BCAS4: variants seen among roughly 807,000 people sequenced by gnomAD.
BCAS4 encodes the protein breast carcinoma-amplified sequence 4.
A neutral mutation model predicts 15.7 loss-of-function variants in BCAS4; 9 were observed. That is an observed-to-expected ratio of 0.57 (90% CI 0.34 to 1.00). The LOEUF (loss-of-function observed/expected upper bound fraction) is 1.00, where lower values mean the gene tolerates loss of function less well. Ranked by LOEUF, BCAS4 falls within the 50% of genes least tolerant of loss-of-function variation. The pLI, the probability that BCAS4 is intolerant of heterozygous loss-of-function variation, is 0.02. For synonymous variants in BCAS4, 101 were observed against 99.5 expected (o/e 1.02, Z -0.09); for missense variants, 225 against 239.1 (o/e 0.94, Z 0.39).
intron 4 of BCAS4, among the ~76,000 whole-genome samples, chr20:50,868,151 A>G (rs1028835627): frequency 1.3e-5 from 2 of 152,146 alleles, no homozygotes; most frequent in African/African-American, 2.4e-5. Flanking sequence ...ACATCATAGC[A>G]AGGATACTCA....
chr20:50,863,967 C>T (rs1239925299), intron 4 of BCAS4, among the ~76,000 whole-genome samples: 2 of 152,228 alleles, frequency 1.3e-5, no homozygotes, highest in South Asian at 2.1e-4. Flanking sequence ...ATTCTACCAC[C>T]GTTGCCACCC....
At chr20:50,861,220 TG>T (rs1428275340) in intron 4 of BCAS4, among the ~76,000 whole-genome samples, 1 of 152,174 alleles carries the variant, frequency 6.6e-6, no homozygotes, top group African/African-American at 2.4e-5. Context: ...GATGCTGTCC[TG>T]GGCCAAGAGT....
intron 2 of BCAS4, among the ~76,000 whole-genome samples, chr20:50,822,241 C>A (rs764018068): frequency 1.3e-5 from 2 of 152,168 alleles, no homozygotes; most frequent in Non-Finnish European, 2.9e-5. Context: ...AGCAAGCAGT[C>A]CAGTGGGCAG....
chr20:50,837,702 C>A (rs1242017876), intron 3 of BCAS4, among the ~76,000 whole-genome samples: 1 of 152,194 alleles, frequency 6.6e-6, no homozygotes, highest in Non-Finnish European at 1.5e-5. Context: ...AGGTTTCAGC[C>A]TCTCTGGCTG....
At position 50,805,259 on chromosome 20, in the gene BCAS4, C is replaced by T. The variant is rs186638253; in HGVS notation, c.90+10086C>T. Among the ~76,000 whole-genome samples the T allele has an allele frequency of 1.2e-3, 188 of 152,274 alleles. 2 individuals are homozygous for T. The highest frequency in any genetic ancestry group is 3.4e-3 in the Middle Eastern group (1 of 294). On this transcript the variant is annotated intron_variant, in intron 1 of 4. Coordinates refer to ENST00000371608, the MANE Select transcript of BCAS4 (RefSeq NM_198799.4). ...CCGTTATCTGTCATTCCCCAACCCCCACCACGAATCTCCTTCCCATCTTTA... is the reference window on the plus strand; with the variant it reads ...CCGTTATCTGTCATTCCCCAACCCCTACCACGAATCTCCTTCCCATCTTTA...
At chr20:50,845,113 G>T (rs1226366498) in intron 4 of BCAS4, among the ~76,000 whole-genome samples, 1 of 152,134 alleles carries the variant, frequency 6.6e-6, no homozygotes, top group Admixed American at 6.5e-5. Flanking sequence ...TGTGAAGAGG[G>T]TGTGGTCATT....
Position 50,809,814 on chromosome 20 carries a change from C to G in BCAS4, c.91-8397C>G, listed in dbSNP as rs145131701. Among the ~76,000 whole-genome samples, 4 of 152,260 alleles carry G rather than the reference C, an allele frequency of 2.6e-5. No individual in the cohort carries two copies. The South Asian group carries it at 6.2e-4, about 24-fold the overall frequency. Reference sequence around the variant, plus strand: ...GTTTTGTAGTTTTCTTTGTAGAAGTCTTTCACCTCCTGGGTTAGGTATATT... The same window carrying G: ...GTTTTGTAGTTTTCTTTGTAGAAGTGTTTCACCTCCTGGGTTAGGTATATT... On this transcript the variant is annotated intron_variant, in intron 1 of 4. Coordinates refer to ENST00000371608, the MANE Select transcript of BCAS4 (RefSeq NM_198799.4).
At chr20:50,811,970 C>T (rs1424596343) in intron 1 of BCAS4, among the ~76,000 whole-genome samples, 1 of 152,168 alleles carries the variant, frequency 6.6e-6, no homozygotes, top group African/African-American at 2.4e-5. Flanking sequence ...CCTTTTGTGC[C>T]TGGCTTCTCT....
At chr20:50,819,125 G>A (rs2123776025) in intron 2 of BCAS4, among the ~76,000 whole-genome samples, 1 of 152,148 alleles carries the variant, frequency 6.6e-6, no homozygotes, top group African/African-American at 2.4e-5. Context: ...GGAGGTTGCA[G>A]TGAGCTGAGA....
intron 1 of BCAS4, among the ~76,000 whole-genome samples, chr20:50,798,273 G>A (rs1476218458): frequency 1.3e-5 from 2 of 152,014 alleles, no homozygotes; most frequent in African/African-American, 2.4e-5. Context: ...TCCAGCCTGG[G>A]CAATAGAGTG....
chr20:50,869,874 A>G (rs6020810), intron 4 of BCAS4, among the ~76,000 whole-genome samples: 37,270 of 148,826 alleles, frequency 0.25, 6,812 homozygotes, highest in African/African-American at 0.52. Flanking sequence ...TCAGCCTCCC[A>G]AGTAGCTGGG....
At chr20:50,844,505 C>T (rs1217912192) in intron 4 of BCAS4, among the ~76,000 whole-genome samples, 1 of 152,204 alleles carries the variant, frequency 6.6e-6, no homozygotes, top group Non-Finnish European at 1.5e-5. Flanking sequence ...AGGACCTTGG[C>T]TGCCCATGTC....
intron 2 of BCAS4, among the ~76,000 whole-genome samples, chr20:50,822,340 C>T (rs544070307): frequency 6.6e-6 from 1 of 152,316 alleles, no homozygotes; most frequent in African/African-American, 2.4e-5. Context: ...AGCAGTTACA[C>T]AGCCCAGCCA....
intron 4 of BCAS4, among the ~76,000 whole-genome samples, chr20:50,865,083 ACT>A (rs1380369994): frequency 6.6e-6 from 1 of 151,966 alleles, no homozygotes; most frequent in Non-Finnish European, 1.5e-5. Context: ...ACAGAGCAAG[ACT>A]CTATCTCAAA....
chr20:50,813,991 A>T (rs976003579), intron 1 of BCAS4, among the ~76,000 whole-genome samples: 12 of 152,108 alleles, frequency 7.9e-5, no homozygotes, highest in African/African-American at 2.9e-4. Flanking sequence ...GGCTGGTTAA[A>T]AAGGCACGTG....
At chr20:50,859,626 T>G (rs987742645) in intron 4 of BCAS4, among the ~76,000 whole-genome samples, 2 of 152,084 alleles carry the variant, frequency 1.3e-5, no homozygotes, top group South Asian at 4.1e-4. Context: ...CTTGTTTTAC[T>G]GGGACCGCTC....
At chr20:50,869,314 A>T (rs1374946223) in intron 4 of BCAS4, among the ~76,000 whole-genome samples, 2 of 152,104 alleles carry the variant, frequency 1.3e-5, no homozygotes, top group Non-Finnish European at 2.9e-5. Context: ...GGCCGGCCTG[A>T]GGCTTCAGGC....
chr20:50,833,789 C>G (rs527495442), intron 3 of BCAS4, among the ~76,000 whole-genome samples: 1 of 152,050 alleles, frequency 6.6e-6, no homozygotes, highest in Non-Finnish European at 1.5e-5. Flanking sequence ...GGCATATGGC[C>G]GAGGGGAGAT....
intron 3 of BCAS4, chr20:50,832,905 G>C (rs1047157604): frequency 6.6e-6 from 1 of 152,242 alleles, no homozygotes; most frequent in Admixed American, 6.5e-5. Context: ...CACACCTGCA[G>C]GATCCCTTTT....
Sources: allele counts gnomAD v4.1 joint callset (sites outside exome capture counted in the v4.1 genomes callset), GRCh38; gene constraint gnomAD v4.1.1; transcripts MANE v1.5; gene names NCBI Gene and HGNC (gene_info 2026-07-23, HGNC 2026-07-21).